Variants in PRSS56 observed in about 807,000 individuals in gnomAD.
The protein encoded by PRSS56 is protease, serine 56.
A neutral mutation model predicts 66.8 loss-of-function variants in PRSS56; 55 were observed. The ratio of observed to expected loss-of-function variants is 0.82; its 90% CI spans 0.66 to 1.03. The LOEUF is 1.03. PRSS56 is among the 50% of genes least tolerant of loss of function. The pLI is 0.00. For synonymous variants in PRSS56, 409 were observed against 387.9 expected, an observed-to-expected ratio of 1.05 and a Z score of -0.64; for missense variants, 869 against 837.2, an observed-to-expected ratio of 1.04 and a Z score of -0.47.
Position 232,524,293 on chromosome 2 carries a change from C to G in PRSS56, c.1352-14C>G, listed in dbSNP as rs142346700. ...TCTCCGCCGAGGCGGTACCCTAACCCTGTGCCTCCCCAGGATCGCGGGCTG... is the reference window on the plus strand; with the variant it reads ...TCTCCGCCGAGGCGGTACCCTAACCGTGTGCCTCCCCAGGATCGCGGGCTG... On this transcript the variant is annotated splice_polypyrimidine_tract_variant and intron_variant, in intron 10 of 12. Coordinates refer to ENST00000617714, the MANE Select transcript of PRSS56 (RefSeq NM_001195129.2). 1,741 of 1,535,746 alleles carry G rather than the reference C, an allele frequency of 1.1e-3. 13 individuals are homozygous for G. The African/African-American group carries it at 0.02, about 18-fold the overall frequency.
chr2:232,522,172 C>A lies in PRSS56; in HGVS notation c.446+12C>A, dbSNP rs1691293129. 1.4e-6 allele frequency: 2 copies of A among 1,468,382 alleles called. No individual in the cohort carries two copies. Among genetic ancestry groups the A allele is most frequent in the South Asian group, 2.6e-5 (2 of 76,262 alleles). The allele number at this position is 1,468,382 out of a possible 1,614,324, so 91.0% of individuals were successfully genotyped here. On this transcript the variant is annotated intron_variant, in intron 4 of 12. Coordinates refer to ENST00000617714, the MANE Select transcript of PRSS56 (RefSeq NM_001195129.2). ...CACTGCTTTGTAGGGTAAGTAGGAC[C>A]CCCAGGCCTTGCCCAGCTGGGGTCC... is the stretch of plus-strand genomic sequence containing the variant.
At chr2:232,522,923 G>T in intron 6 of PRSS56, 62 bp downstream of exon 6, 1 of 1,463,100 alleles carries the variant, frequency 6.8e-7, no homozygotes, top group Non-Finnish European at 9.0e-7. Flanking sequence ...GTAATAGAGT[G>T]TAGGGAGGCC....
intron 2 of PRSS56, 120 bp from the exon 3 acceptor site, chr2:232,521,696 C>A (rs1404981847): frequency 3.0e-6 from 3 of 1,015,978 alleles, no homozygotes; most frequent in Non-Finnish European, 2.9e-6. Context: ...TGAAATAGAA[C>A]CCGTGTGGGC....
chr2:232,521,864 C>T lies in PRSS56; in HGVS notation c.254C>T (p.Pro85Leu). The T allele has an allele frequency of 6.5e-7, 1 of 1,535,862 alleles. No homozygotes were observed. Among genetic ancestry groups the T allele is most frequent in the Non-Finnish European group, 8.7e-7 (1 of 1,146,710 alleles). ...PQALLQDPPE[P>L]GPCGERRPST... ...GCTCTCCTCCAGGACCCACCTGAGC[C>T]AGGTGAGGTTGAAAAGGCTCGAGGG... Residue 85 changes from proline (P) to leucine (L), a missense_variant and splice_region_variant, in exon 3 of 13, where the codon CCA (proline) becomes CTA (leucine). Pro to Leu is a moderately conservative substitution (Grantham distance 98). This residue lies in a region of PRSS56 where 315 missense variants were observed against 313.7 expected (regional missense o/e 1.00). Coordinates refer to ENST00000617714, the MANE Select transcript of PRSS56 (RefSeq NM_001195129.2).
In PRSS56 at chr2:232,525,616, G is replaced by T; in HGVS notation, c.*110G>T. On this transcript the variant is annotated 3_prime_UTR_variant, in exon 13 of 13. Transcript: ENST00000617714. ...GCTGCCCCAGTGGCTGGGTGTGTGTGGGTGGGATGGGGTGGGGGTCCTGGG... is the reference window on the plus strand; with the variant it reads ...GCTGCCCCAGTGGCTGGGTGTGTGTTGGTGGGATGGGGTGGGGGTCCTGGG... 1 of 697,634 alleles carries T rather than the reference G, an allele frequency of 1.4e-6. No individual in the cohort carries two copies. Among genetic ancestry groups the T allele is most frequent in the Non-Finnish European group, 2.2e-6 (1 of 446,166 alleles). 43.2% of individuals were successfully genotyped at this position (697,634 alleles called of 1,614,324 possible).
chr2:232,522,374 G>A, intron 4 of PRSS56, 141 bp from the exon 5 acceptor site: 1 of 868,176 alleles, frequency 1.2e-6, no homozygotes, highest in Non-Finnish European at 1.6e-6. Context: ...CGCCCCCTCT[G>A]GGACGGGACC....
Position 232,522,791 on chromosome 2 carries a change from G to A in PRSS56, c.636G>A (p.Leu212=). The A allele has an allele frequency of 6.7e-7, 1 of 1,499,234 alleles. No individual in the cohort carries two copies. The highest frequency in any genetic ancestry group is 8.9e-7 in the Non-Finnish European group (1 of 1,125,494). The allele number at this position is 1,499,234 out of a possible 1,614,324, so 92.9% of individuals were successfully genotyped here. Residue 212 remains leucine (L), a synonymous_variant, in exon 6 of 13, where the codon CTG becomes CTA. Transcript: ENST00000617714. ...SPGGSARPVC[L]PQEPQEPPAG... ...GGGGATCGGCGCGCCCCGTGTGCCTGCCCCAGGAGCCCCAGGAGCCCCCTG... is the reference window on the plus strand; with the variant it reads ...GGGGATCGGCGCGCCCCGTGTGCCTACCCCAGGAGCCCCAGGAGCCCCCTG...
Position 232,525,488 on chromosome 2 carries a change from C to T in PRSS56, c.1794C>T (p.Pro598=), listed in dbSNP as rs1382152712. 1 of 1,496,230 alleles carries T rather than the reference C, an allele frequency of 6.7e-7. No homozygotes were observed. The highest frequency in any genetic ancestry group is 8.9e-7 in the Non-Finnish European group (1 of 1,121,734). 92.7% of individuals were successfully genotyped at this position (1,496,230 alleles called of 1,614,324 possible). A position where few individuals can be genotyped will look rare whatever the true frequency, so the allele number is the denominator to read the frequency against. The part of the protein sequence containing the change: ...KGHHPLNPQV[P]PARQP ...ACCACCCACTCAACCCTCAGGTACC[C>T]CCCGCCAGGCAACCCTGAGCCATGT... is the stretch of plus-strand genomic sequence containing the variant. The change falls in exon 13 of 13, where the codon CCC becomes CCT. Residue 598 remains proline, a synonymous_variant. Coordinates refer to ENST00000617714, the MANE Select transcript of PRSS56 (RefSeq NM_001195129.2).
At chr2:232,521,502 C>G in intron 2 of PRSS56, 74 bp downstream of exon 2, 1 of 1,228,334 alleles carries the variant, frequency 8.1e-7, no homozygotes, top group Non-Finnish European at 1.2e-6. Flanking sequence ...TCTGTCCCTT[C>G]CCTTCAGTCT....
chr2:232,524,451 G>A lies in PRSS56; in HGVS notation c.1414+82G>A, dbSNP rs1574624611. On this transcript the variant is annotated intron_variant, in intron 11 of 12. Transcript: ENST00000617714. The stretch of plus-strand genomic sequence containing the variant: ...TCGGAAGCGCTTCTACTGCAGCTCC[G>A]GAAAGGGCTTACCCCATGGGGCAAC... The A allele has an allele frequency of 1.1e-5, 15 of 1,374,160 alleles. No homozygotes were observed. The East Asian group carries it at 3.3e-4, about 30-fold the overall frequency. The allele number at this position is 1,374,160 out of a possible 1,614,324, so 85.1% of individuals were successfully genotyped here.
chr2:232,525,351 C>T lies in PRSS56; in HGVS notation c.1657C>T (p.Arg553Trp), dbSNP rs1166596814. The change falls in exon 13 of 13, where the codon CGG becomes TGG. Residue 553 changes from arginine to tryptophan, a missense_variant. Physicochemically the swap from Arg to Trp is moderately radical, Grantham distance 101. Coordinates refer to ENST00000617714, the MANE Select transcript of PRSS56 (RefSeq NM_001195129.2). ...EPATLARSLP[R>W]LLVQALQAFR... ...GGCCACACTGGCTCGCAGCCTCCCC[C>T]GGCTGCTGGTGCAGGCCCTGCAGGC... 3.9e-6 allele frequency: 6 copies of T among 1,531,654 alleles called. No homozygotes were observed. The highest frequency in any genetic ancestry group is 2.5e-5 in the East Asian group (1 of 40,798). The allele number at this position is 1,531,654 out of a possible 1,614,324, so 94.9% of individuals were successfully genotyped here. A position where few individuals can be genotyped will look rare whatever the true frequency, so the allele number is the denominator to read the frequency against.
rs1406847558 is a variant in PRSS56 at position 232,521,342 on chromosome 2, A to G, written c.119A>G (p.Gln40Arg). ...ALQVLSAQGTQALQAAQRSAQ... is the reference protein window; with the variant it reads ...ALQVLSAQGTRALQAAQRSAQ... ...GCAGTTCTGTCGGCCCAGGGGACTC[A>G]GGCGTTGCAGGCAGCCCAGAGGAGC... The change falls in exon 2 of 13, where the codon CAG (glutamine) becomes CGG (arginine). Residue 40 changes from glutamine to arginine, a missense_variant. By Grantham distance (43) the Gln-to-Arg change is conservative (BLOSUM62 1). Coordinates refer to ENST00000617714, the MANE Select transcript of PRSS56 (RefSeq NM_001195129.2). 1 of 1,536,074 alleles carries G rather than the reference A, an allele frequency of 6.5e-7. No individual in the cohort carries two copies. The highest frequency in any genetic ancestry group is 1.4e-5 in the African/African-American group (1 of 73,176).
chr2:232,524,688 T>C (rs1026802313), intron 11 of PRSS56, 50 bp from the exon 12 acceptor site: 5 of 1,353,012 alleles, frequency 3.7e-6, no homozygotes, highest in Non-Finnish European at 5.0e-6. Context: ...CCACCCCCAG[T>C]TCCATACCGC....
At position 232,521,840 on chromosome 2, in the gene PRSS56, C is replaced by A; in HGVS notation, c.230C>A (p.Ala77Asp). ...GGATCTGGGCGCCCCAGGCCTCAAG[C>A]TCTCCTCCAGGACCCACCTGAGCCA... is the stretch of plus-strand genomic sequence containing the variant. ...CRGSGRPRPQ[A>D]LLQDPPEPGP... Residue 77 changes from alanine to aspartate, a missense_variant, in exon 3 of 13, where the codon GCT (alanine) becomes GAT (aspartate). Ala to Asp is a moderately radical substitution (Grantham distance 126). Transcript: ENST00000617714. The A allele has an allele frequency of 6.5e-7, 1 of 1,536,078 alleles. No individual in the cohort carries two copies. Among genetic ancestry groups the A allele is most frequent in the East Asian group, 2.4e-5 (1 of 40,896 alleles).
intron 6 of PRSS56, 84 bp downstream of exon 6, chr2:232,522,945 G>GA (rs1300116435): frequency 2.1e-6 from 3 of 1,407,836 alleles, no homozygotes; most frequent in Middle Eastern, 1.9e-4. Context: ...GGTTGCCTTG[G>GA]AAAAATGCTG....
Position 232,524,211 on chromosome 2 carries a change from G to A in PRSS56, c.1351+8G>A. ...AGCTGCGGCTTCACTCAGGTACCCC[G>A]CGCCCTCCAGCCCAGCCCAGCCCTG... On this transcript the variant is annotated splice_region_variant and intron_variant, in intron 10 of 12. Transcript: ENST00000617714. 6.5e-7 allele frequency: 1 copy of A among 1,533,026 alleles called. No individual in the cohort carries two copies. The allele number at this position is 1,533,026 out of a possible 1,614,324, so 95.0% of individuals were successfully genotyped here.
rs1362532496 is a variant in PRSS56, at chr2:232,523,042, TC to T, written c.707-16del. On this transcript the variant is annotated splice_polypyrimidine_tract_variant and intron_variant, in intron 6 of 12. Coordinates refer to ENST00000617714, the MANE Select transcript of PRSS56 (RefSeq NM_001195129.2). Reference sequence around the variant, plus strand: ...GCTCTTGCCCTCCAAACCTGAGCCTTCCACCCCTTCCCTGCAGACGGGCCTG... The same window carrying T: ...GCTCTTGCCCTCCAAACCTGAGCCTTCACCCCTTCCCTGCAGACGGGCCTG... 1 of 1,533,458 alleles carries T rather than the reference TC, an allele frequency of 6.5e-7. No individual in the cohort carries two copies. The highest frequency in any genetic ancestry group is 1.2e-5 in the South Asian group (1 of 83,760). The allele number at this position is 1,533,458 out of a possible 1,614,324, so 95.0% of individuals were successfully genotyped here. A position where few individuals can be genotyped will look rare whatever the true frequency, so the allele number is the denominator to read the frequency against.
At chr2:232,522,946 A>G (rs1050015119) in intron 6 of PRSS56, 85 bp downstream of exon 6, 2 of 1,453,790 alleles carry the variant, frequency 1.4e-6, no homozygotes, top group African/African-American at 1.4e-5. Context: ...GTTGCCTTGG[A>G]AAAATGCTGC....
rs1691280438 is a variant in PRSS56, at chr2:232,521,685, C to T, written c.206-131C>T. The T allele has an allele frequency of 8.3e-6, 8 of 961,692 alleles. No individual in the cohort carries two copies. In the South Asian group the frequency reaches 1.1e-4, roughly 14 times the overall value. The allele number at this position is 961,692 out of a possible 1,614,324, so 59.6% of individuals were successfully genotyped here. A position where few individuals can be genotyped will look rare whatever the true frequency, so the allele number is the denominator to read the frequency against. Reference sequence around the variant, plus strand: ...GGTGACCAGGAGAAGTTCATGGTTGCTGAAATAGAACCCGTGTGGGCTGGA... The same window carrying T: ...GGTGACCAGGAGAAGTTCATGGTTGTTGAAATAGAACCCGTGTGGGCTGGA... On this transcript the variant is annotated intron_variant, in intron 2 of 12. Coordinates refer to ENST00000617714, the MANE Select transcript of PRSS56 (RefSeq NM_001195129.2).
Sources: allele counts gnomAD v4.1 joint callset, GRCh38; gene constraint gnomAD v4.1.1; regional missense constraint gnomAD v4.1.1; transcripts MANE v1.5; gene names NCBI Gene and HGNC (gene_info 2026-07-23, HGNC 2026-07-21).